NCK2: variants seen among roughly 807,000 people sequenced by gnomAD.
The protein encoded by NCK2 is cytoplasmic protein NCK2.
NCK2 carries 16 observed loss-of-function variants against 33.9 expected under a neutral mutation model. The ratio of observed to expected loss-of-function variants is 0.47; its 90% CI spans 0.32 to 0.72. The LOEUF (loss-of-function observed/expected upper bound fraction) is 0.72, where lower values mean the gene tolerates loss of function less well. Among genes scored for constraint, NCK2 ranks in the 30% least tolerant of loss-of-function variants. The pLI, the probability that NCK2 is intolerant of heterozygous loss-of-function variation, is 0.03. For missense variants in NCK2, 418 were observed against 537.3 expected (o/e 0.78, Z 2.19); for synonymous variants, 273 against 239.9 (o/e 1.14, Z -1.27).
At chr2:105,757,809 T>G (rs756429484) in intron 1 of NCK2, among the ~76,000 whole-genome samples, 2 of 152,212 alleles carry the variant, frequency 1.3e-5, no homozygotes, top group African/African-American at 4.8e-5. Flanking sequence ...CAGAATTCAT[T>G]TGAAGCATTC....
intron 2 of NCK2, among the ~76,000 whole-genome samples, chr2:105,844,250 TAA>T (rs1358284288): frequency 6.6e-6 from 1 of 152,058 alleles, no homozygotes; most frequent in East Asian, 1.9e-4. Flanking sequence ...ACGTGACAAC[TAA>T]ATGTAGTGTG....
At chr2:105,756,868 G>C (rs995862251) in intron 1 of NCK2, among the ~76,000 whole-genome samples, 1 of 152,170 alleles carries the variant, frequency 6.6e-6, no homozygotes, top group Non-Finnish European at 1.5e-5. Context: ...GCAATGGCAC[G>C]ATCTTGGCTC....
At chr2:105,822,522 T>C (rs1675780760) in intron 2 of NCK2, among the ~76,000 whole-genome samples, 1 of 152,004 alleles carries the variant, frequency 6.6e-6, no homozygotes, top group African/African-American at 2.4e-5. Flanking sequence ...CATCATAAAA[T>C]TGTGATTTAA....
chr2:105,799,457 T>A (rs765157659), intron 1 of NCK2, among the ~76,000 whole-genome samples: 1 of 152,150 alleles, frequency 6.6e-6, no homozygotes, highest in South Asian at 2.1e-4. Flanking sequence ...GAGAAGGCTG[T>A]CTCTTCCCTG....
intron 1 of NCK2, among the ~76,000 whole-genome samples, chr2:105,804,134 G>A (rs1308668318): frequency 6.6e-6 from 1 of 152,176 alleles, no homozygotes; most frequent in Non-Finnish European, 1.5e-5. Flanking sequence ...TTTCAAGGGT[G>A]TACTCTGTAA....
chr2:105,828,787 T>C (rs1364798102), intron 2 of NCK2, among the ~76,000 whole-genome samples: 1 of 152,170 alleles, frequency 6.6e-6, no homozygotes, highest in African/African-American at 2.4e-5. Flanking sequence ...TTAGGCATGC[T>C]CTCTACAGGG....
intron 1 of NCK2, among the ~76,000 whole-genome samples, chr2:105,780,656 A>T (rs1163235750): frequency 6.6e-6 from 1 of 151,788 alleles, no homozygotes; most frequent in Non-Finnish European, 1.5e-5. Flanking sequence ...TTGAGATCCT[A>T]CCCCCCAAGG....
chr2:105,851,551 C>T (rs753753402), intron 2 of NCK2, among the ~76,000 whole-genome samples: 8 of 152,338 alleles, frequency 5.3e-5, no homozygotes, highest in South Asian at 4.1e-4. Flanking sequence ...GCCACCGCAC[C>T]CGGCCAGAGC....
intron 1 of NCK2, among the ~76,000 whole-genome samples, chr2:105,781,166 T>A (rs544675017): frequency 2.0e-5 from 3 of 148,006 alleles, no homozygotes; most frequent in Admixed American, 6.7e-5. Context: ...TCCCATTTCC[T>A]AGAGGTGCCT....
At chr2:105,819,390 CAT>C (rs752752217) in intron 2 of NCK2, among the ~76,000 whole-genome samples, 14 of 150,724 alleles carry the variant, frequency 9.3e-5, no homozygotes, top group Non-Finnish European at 1.6e-4. Context: ...CAAATGCAGT[CAT>C]GTATCAATCC....
At chr2:105,826,639 G>A (rs1208961037) in intron 2 of NCK2, among the ~76,000 whole-genome samples, 5 of 152,134 alleles carry the variant, frequency 3.3e-5, no homozygotes, top group Non-Finnish European at 7.4e-5. Flanking sequence ...AAGGGCTCTG[G>A]ATTTGGGTTC....
intron 2 of NCK2, among the ~76,000 whole-genome samples, chr2:105,832,966 G>T (rs1416433734): frequency 6.7e-6 from 1 of 148,920 alleles, no homozygotes; most frequent in African/African-American, 2.5e-5. Flanking sequence ...CAGCACTAAG[G>T]CCATCCAGTC....
chr2:105,835,390 T>TATATATATAC (rs1558861828), intron 2 of NCK2, among the ~76,000 whole-genome samples: 1 of 66,454 alleles, frequency 1.5e-5, no homozygotes, highest in East Asian at 5.1e-4. Context: ...TATATACACA[T>TATATATATAC]ATATATATAT....
At chr2:105,875,369 G>A (rs964293755) in intron 3 of NCK2, among the ~76,000 whole-genome samples, 4 of 152,174 alleles carry the variant, frequency 2.6e-5, no homozygotes, top group Non-Finnish European at 5.9e-5. Flanking sequence ...CTCCTGCCCC[G>A]CCCAGTCCCC....
chr2:105,777,290 G>A (rs553700925), intron 1 of NCK2, among the ~76,000 whole-genome samples: 4 of 152,248 alleles, frequency 2.6e-5, no homozygotes, highest in African/African-American at 9.6e-5. Context: ...GCCTTTTAAT[G>A]TTGCACCTGG....
chr2:105,763,550 G>T (rs1689834018), intron 1 of NCK2, among the ~76,000 whole-genome samples: 1 of 152,146 alleles, frequency 6.6e-6, no homozygotes, highest in South Asian at 2.1e-4. Flanking sequence ...GTCACAGTGG[G>T]AAATATTCAA....
At chr2:105,774,858 T>G (rs1690251426) in intron 1 of NCK2, among the ~76,000 whole-genome samples, 1 of 152,156 alleles carries the variant, frequency 6.6e-6, no homozygotes, top group Non-Finnish European at 1.5e-5. Flanking sequence ...GAAATGTGGC[T>G]TAATGAGCCG....
intron 2 of NCK2, among the ~76,000 whole-genome samples, chr2:105,851,243 C>T (rs1048295628): frequency 2.6e-4 from 40 of 151,534 alleles, no homozygotes; most frequent in African/African-American, 9.4e-4. Context: ...GCTGCTAAGT[C>T]GGTGTCCGGC....
At position 105,881,259 on chromosome 2, in the gene NCK2, C is replaced by T; in HGVS notation, c.227-69C>T. On this transcript the variant is annotated intron_variant, in intron 3 of 4. Transcript: ENST00000233154. ...ACCGCCAGAGAAACTGCGTGGAAAT[C>T]CCGGTAGGCTAGGGAGTGTGGTGGT... 10 of 1,508,890 alleles carry T rather than the reference C, an allele frequency of 6.6e-6. No individual in the cohort carries two copies. The South Asian group carries it at 1.2e-4, about 18-fold the overall frequency. The allele number at this position is 1,508,890 out of a possible 1,614,324, so 93.5% of individuals were successfully genotyped here. A position where few individuals can be genotyped will look rare whatever the true frequency, so the allele number is the denominator to read the frequency against.
Sources: allele counts gnomAD v4.1 joint callset (sites outside exome capture counted in the v4.1 genomes callset), GRCh38; gene constraint gnomAD v4.1.1; transcripts MANE v1.5; gene names NCBI Gene and HGNC (gene_info 2026-07-23, HGNC 2026-07-21).